The following YTHDC2 variants were observed in gnomAD, a reference collection of about 807,000 sequenced individuals.
YTHDC2 encodes 3'-5' RNA helicase YTHDC2.
In YTHDC2, 45 loss-of-function variants were observed where a neutral mutation model predicts 174.9. The ratio of observed to expected loss-of-function variants is 0.26; its 90% CI spans 0.20 to 0.33. YTHDC2 has a LOEUF of 0.33. Among genes scored for constraint, YTHDC2 ranks in the 10% least tolerant of loss-of-function variants. The probability of loss-of-function intolerance (pLI) is 1.00; values close to 1 mark genes in which losing one functional copy is unlikely to be tolerated. For missense variants in YTHDC2, 1,650 were observed against 1,723.7 expected (o/e 0.96, Z 0.76); for synonymous variants, 657 against 574.5 (o/e 1.14, Z -2.05).
intron 8 of YTHDC2, among the ~76,000 whole-genome samples, chr5:113,540,621 G>T (rs575674506): frequency 5.9e-5 from 9 of 152,224 alleles, no homozygotes; most frequent in Admixed American, 2.0e-4. Flanking sequence ...ATCAGATCTC[G>T]TGAGAACTCA....
chr5:113,565,464 GATTTATAGAA>G (rs1777271983), intron 20 of YTHDC2, among the ~76,000 whole-genome samples: 1 of 152,126 alleles, frequency 6.6e-6, no homozygotes. Flanking sequence ...GCATATAGAT[GATTTATAGAA>G]ATCCTACTTT....
chr5:113,515,914 C>G (rs1773389693), intron 2 of YTHDC2, among the ~76,000 whole-genome samples: 1 of 152,168 alleles, frequency 6.6e-6, no homozygotes, highest in Admixed American at 6.5e-5. Context: ...GGTGCTGTCT[C>G]TATTAAGAGT....
chr5:113,585,020 A>T (rs986131717), intron 26 of YTHDC2, among the ~76,000 whole-genome samples: 1 of 151,996 alleles, frequency 6.6e-6, no homozygotes, highest in African/African-American at 2.4e-5. Flanking sequence ...GGCTCAAGTG[A>T]TCTTCCCATC....
rs753616489 is a variant in YTHDC2, at chr5:113,540,990, T to A, written c.1233T>A (p.Leu411=). 5 of 1,613,446 alleles carry A rather than the reference T, an allele frequency of 3.1e-6. No individual in the cohort carries two copies. The highest frequency in any genetic ancestry group is 1.3e-5 in the African/African-American group (1 of 75,002). ...TAGAAGAGAAACAACAAACCACACT[T>A]ACAGAATGGTACTCAGCTCAAGAAA... ...KQQEEKQQTT[L]TEWYSAQENS... Residue 411 remains leucine, a synonymous_variant, in exon 9 of 30, where the codon CTT becomes CTA. Coordinates refer to ENST00000161863, the MANE Select transcript of YTHDC2 (RefSeq NM_022828.5).
chr5:113,533,416 G>A (rs1341095312), intron 5 of YTHDC2, among the ~76,000 whole-genome samples: 2 of 151,952 alleles, frequency 1.3e-5, no homozygotes, highest in Non-Finnish European at 2.9e-5. Flanking sequence ...GGGCTTGGTG[G>A]TGCATGCCTG....
intron 27 of YTHDC2, 65 bp downstream of exon 27, chr5:113,591,309 A>G (rs2112827106): frequency 6.5e-7 from 1 of 1,537,294 alleles, no homozygotes; most frequent in Non-Finnish European, 8.9e-7. Flanking sequence ...AGAGATTTTT[A>G]GAAAAACAAC....
intron 12 of YTHDC2, among the ~76,000 whole-genome samples, chr5:113,552,879 T>C (rs939396461): frequency 6.6e-6 from 1 of 152,104 alleles, no homozygotes; most frequent in African/African-American, 2.4e-5. Context: ...TGGTATTTCA[T>C]TGTGGTTTTG....
chr5:113,526,729 A>G lies in YTHDC2; in HGVS notation c.619A>G (p.Lys207Glu). Residue 207 changes from lysine to glutamate, a missense_variant, in exon 4 of 30, where the codon AAG becomes GAG. Physicochemically the swap from Lys to Glu is moderately conservative, Grantham distance 56 (BLOSUM62 1). Coordinates refer to ENST00000161863, the MANE Select transcript of YTHDC2 (RefSeq NM_022828.5). ...EKQEEIVKII[K>E]ENKVVLIVGE... ...ACAGGAAGAAATTGTTAAAATAATT[A>G]AGGAAAATAAAGTAGTTTTGATTGT... The G allele has an allele frequency of 6.3e-7, 1 of 1,577,346 alleles. No individual in the cohort carries two copies.
At chr5:113,584,947 G>T (rs1239978944) in intron 26 of YTHDC2, among the ~76,000 whole-genome samples, 2 of 150,170 alleles carry the variant, frequency 1.3e-5, no homozygotes, top group Non-Finnish European at 3.0e-5. Context: ...GCTGATTAAA[G>T]AAAAATTCTT....
intron 2 of YTHDC2, among the ~76,000 whole-genome samples, chr5:113,517,095 A>G (rs534123590): frequency 6.6e-6 from 1 of 152,294 alleles, no homozygotes; most frequent in South Asian, 2.1e-4. Context: ...ATTTGGGTAT[A>G]TTTGCAATAT....
intron 4 of YTHDC2, among the ~76,000 whole-genome samples, 155 bp downstream of exon 4, chr5:113,526,940 T>A (rs1369815036): frequency 2.6e-5 from 4 of 151,472 alleles, no homozygotes; most frequent in African/African-American, 9.7e-5. Context: ...AATGGTTATT[T>A]CAGAAGTAAA....
chr5:113,533,375 T>G (rs919047970), intron 5 of YTHDC2, among the ~76,000 whole-genome samples: 6 of 151,504 alleles, frequency 4.0e-5, no homozygotes, highest in African/African-American at 1.5e-4. Context: ...AAACCCTGTC[T>G]CTACTAAAAA....
chr5:113,548,958 G>A lies in YTHDC2; in HGVS notation c.1626G>A (p.Met542Ile), dbSNP rs767865358. ...NVHSKASNGW[M>I]ALDWAKHFGQ... is the part of the protein sequence containing the mutation. ...TATATCCTTTGAATTTTGGCAGGAT[G>A]GCATTGGATTGGGCTAAACACTTTG... Residue 542 changes from methionine (M) to isoleucine (I), a missense_variant, in exon 12 of 30, where the codon ATG becomes ATA. By Grantham distance (10) the Met-to-Ile change is conservative. This residue lies in a region of YTHDC2 where 411 missense variants were observed against 380.6 expected (regional missense o/e 1.08). Coordinates refer to ENST00000161863, the MANE Select transcript of YTHDC2 (RefSeq NM_022828.5). The A allele has an allele frequency of 1.9e-6, 3 of 1,611,466 alleles. No individual in the cohort carries two copies. The South Asian group carries it at 3.3e-5, about 18-fold the overall frequency.
intron 2 of YTHDC2, among the ~76,000 whole-genome samples, chr5:113,524,474 T>G (rs1774080137): frequency 6.6e-6 from 1 of 152,138 alleles, no homozygotes; most frequent in South Asian, 2.1e-4. Context: ...TAATGCTGAT[T>G]TATGCTTTTT....
chr5:113,576,638 T>C (rs536027063), intron 23 of YTHDC2, among the ~76,000 whole-genome samples: 23 of 152,294 alleles, frequency 1.5e-4, no homozygotes, highest in African/African-American at 5.1e-4. Context: ...ATTTGCTCTT[T>C]TTATTTCTGT....
chr5:113,567,543 G>A lies in YTHDC2; in HGVS notation c.3049-111G>A, dbSNP rs533113461. 64 of 952,866 alleles carry A rather than the reference G, an allele frequency of 6.7e-5. No individual in the cohort carries two copies. In the East Asian group the frequency reaches 6.7e-4, roughly 10 times the overall value. The allele number at this position is 952,866 out of a possible 1,614,324, so 59.0% of individuals were successfully genotyped here. A position where few individuals can be genotyped will look rare whatever the true frequency, so the allele number is the denominator to read the frequency against. On this transcript the variant is annotated intron_variant, in intron 22 of 29. Transcript: ENST00000161863. ...ATGACTTGTTTTAATTTTTGCTTAC[G>A]TACTAATATACATCATCTATTTCAT...
At chr5:113,581,251 A>G (rs1778386782) in intron 24 of YTHDC2, 166 bp from the exon 25 acceptor site, 1 of 571,466 alleles carries the variant, frequency 1.7e-6, no homozygotes, top group East Asian at 3.3e-5. Flanking sequence ...TATTATAAAT[A>G]AATTTTATTT....
intron 7 of YTHDC2, among the ~76,000 whole-genome samples, chr5:113,538,510 C>A (rs538652446): frequency 1.2e-3 from 180 of 152,242 alleles, no homozygotes; most frequent in African/African-American, 4.1e-3. Flanking sequence ...CTTGAAACTC[C>A]TTTCTAGCAC....
intron 19 of YTHDC2, 99 bp from the exon 20 acceptor site, chr5:113,563,760 A>C (rs1012493038): frequency 2.2e-6 from 3 of 1,389,918 alleles, no homozygotes; most frequent in Non-Finnish European, 2.9e-6. Context: ...GTAGCAAAAG[A>C]AAATCTATAT....
Sources: gnomAD v4.1 joint callset for allele counts (sites outside exome capture counted in the v4.1 genomes callset) on GRCh38, gnomAD v4.1.1 for gene constraint, gnomAD v4.1.1 regional missense constraint, MANE v1.5 for transcripts, NCBI Gene and HGNC (gene_info 2026-07-23, HGNC 2026-07-21) for gene names.